The following MAPKAP1 variants were observed in gnomAD, a reference collection of about 807,000 sequenced individuals.
The protein encoded by MAPKAP1 is MAPK associated protein 1, also known as target of rapamycin complex 2 subunit MAPKAP1.
Under a neutral mutation model 65.7 loss-of-function variants are expected in MAPKAP1, and 20 were observed. The ratio of observed to expected loss-of-function variants is 0.30; its 90% CI spans 0.21 to 0.44. The LOEUF is 0.44. Ranked by LOEUF, MAPKAP1 falls within the 20% of genes least tolerant of loss-of-function variation. MAPKAP1 has a pLI of 1.00. For synonymous variants in MAPKAP1, 222 were observed against 244.3 expected (o/e 0.91, Z 0.85); for missense variants, 423 against 648.0 (o/e 0.65, Z 3.77).
chr9:125,618,139 C>T (rs1832795640), intron 4 of MAPKAP1, among the ~76,000 whole-genome samples: 1 of 151,714 alleles, frequency 6.6e-6, no homozygotes, highest in Non-Finnish European at 1.5e-5. Context: ...GTCAGGAGTT[C>T]GAGACCAGCG....
chr9:125,651,371 G>C (rs200973802), intron 4 of MAPKAP1, among the ~76,000 whole-genome samples: 2 of 152,106 alleles, frequency 1.3e-5, no homozygotes, highest in Non-Finnish European at 2.9e-5. Flanking sequence ...TTGGGAGGCC[G>C]AGGCGGGCAG....
chr9:125,698,329 ATATAT>A (rs1564622630), intron 1 of MAPKAP1, among the ~76,000 whole-genome samples: 97 of 101,320 alleles, frequency 9.6e-4, no homozygotes, highest in Non-Finnish European at 1.2e-3. Context: ...ATATATATAT[ATATAT>A]ATAAAATATA....
chr9:125,557,935 C>T (rs1051622964), intron 6 of MAPKAP1, among the ~76,000 whole-genome samples: 21 of 152,324 alleles, frequency 1.4e-4, no homozygotes, highest in African/African-American at 5.1e-4. Context: ...CAGCTAACTG[C>T]TACCTCCGCC....
chr9:125,557,838 A>G (rs1024141238), intron 6 of MAPKAP1, among the ~76,000 whole-genome samples: 5 of 152,134 alleles, frequency 3.3e-5, no homozygotes, highest in Non-Finnish European at 7.3e-5. Flanking sequence ...TGTAGGAATT[A>G]AGAACAAATA....
At chr9:125,442,697 A>G (rs187289386) in intron 11 of MAPKAP1, among the ~76,000 whole-genome samples, 58 of 151,922 alleles carry the variant, frequency 3.8e-4, no homozygotes, top group Non-Finnish European at 5.7e-4. Flanking sequence ...CCGTGTCCCC[A>G]CTCCTTGGTC....
At chr9:125,551,496 C>T (rs1282746577) in intron 6 of MAPKAP1, among the ~76,000 whole-genome samples, 1 of 152,206 alleles carries the variant, frequency 6.6e-6, no homozygotes, top group Non-Finnish European at 1.5e-5. Flanking sequence ...TACCTGACAG[C>T]TGTTACCCAA....
At chr9:125,552,886 T>A (rs1830623019) in intron 6 of MAPKAP1, among the ~76,000 whole-genome samples, 1 of 152,118 alleles carries the variant, frequency 6.6e-6, no homozygotes, top group Non-Finnish European at 1.5e-5. Context: ...AGTGAGACAC[T>A]GTCTCTAAAA....
intron 4 of MAPKAP1, among the ~76,000 whole-genome samples, chr9:125,615,925 A>AAAAAG (rs1554831094): frequency 1.3e-5 from 2 of 152,116 alleles, no homozygotes; most frequent in African/African-American, 2.4e-5. Context: ...GAAAAAAAAA[A>AAAAAG]AAAAGAAAAG....
chr9:125,461,436 C>T (rs970241588), intron 10 of MAPKAP1, among the ~76,000 whole-genome samples: 11 of 152,180 alleles, frequency 7.2e-5, no homozygotes, highest in African/African-American at 2.2e-4. Flanking sequence ...GCTTGAAAGG[C>T]GAGCCTTGTA....
chr9:125,616,060 G>A (rs1832739237), intron 4 of MAPKAP1, among the ~76,000 whole-genome samples: 1 of 152,002 alleles, frequency 6.6e-6, no homozygotes, highest in South Asian at 2.1e-4. Context: ...AAACAGAAAA[G>A]TCCAGGAAGA....
rs192302821 is a variant in MAPKAP1, at chr9:125,503,807, C to T, written c.1066+2503G>A. On this transcript the variant is annotated intron_variant, in intron 8 of 11. Coordinates refer to ENST00000265960, the MANE Select transcript of MAPKAP1 (RefSeq NM_001006617.3). ...TCTGAGCTCACTGCAACCTCTGCCT[C>T]TCAGGCCCAAGCGATTCTCGTGCCT... Among the ~76,000 whole-genome samples, 216 of 149,514 alleles carry T rather than the reference C, an allele frequency of 1.4e-3. 1 individual carries two copies. The highest frequency in any genetic ancestry group is 5.0e-3 in the African/African-American group (203 of 40,374).
chr9:125,597,545 A>G (rs1380378884), intron 4 of MAPKAP1, among the ~76,000 whole-genome samples: 2 of 152,372 alleles, frequency 1.3e-5, no homozygotes, highest in Non-Finnish European at 2.9e-5. Context: ...AAGGTTTCCC[A>G]GTAATAAATT....
intron 10 of MAPKAP1, among the ~76,000 whole-genome samples, chr9:125,462,850 T>C (rs1201557259): frequency 1.3e-5 from 2 of 152,224 alleles, no homozygotes; most frequent in African/African-American, 2.4e-5. Context: ...CTATCACTTC[T>C]AGCCAGTATG....
chr9:125,533,418 A>C lies in MAPKAP1; in HGVS notation c.958+9641T>G, dbSNP rs144698050. Among the ~76,000 whole-genome samples the C allele has an allele frequency of 1.3e-3, 197 of 152,060 alleles. 1 individual carries two copies. Among genetic ancestry groups the C allele is most frequent in the African/African-American group, 4.6e-3 (190 of 41,476 alleles). On this transcript the variant is annotated intron_variant, in intron 7 of 11. Transcript: ENST00000265960. ...GAGCTGGGGAAAAGGGCATTCTCAC[A>C]TACTCTTGGAATGTCAAAGAATGGG...
intron 10 of MAPKAP1, among the ~76,000 whole-genome samples, chr9:125,465,712 T>C (rs1319901784): frequency 1.3e-5 from 2 of 152,164 alleles, no homozygotes; most frequent in Non-Finnish European, 2.9e-5. Context: ...TAGTTCACTA[T>C]GGAGATGGAG....
At chr9:125,555,458 G>A (rs1000252405) in intron 6 of MAPKAP1, among the ~76,000 whole-genome samples, 2 of 152,192 alleles carry the variant, frequency 1.3e-5, no homozygotes, top group African/African-American at 4.8e-5. Context: ...GCCGCACTTA[G>A]AGGGAAAGAT....
In MAPKAP1 at chr9:125,699,577, T is replaced by C. The variant is rs549960156; in HGVS notation, c.-70+7394A>G. 2.0e-5 allele frequency among the ~76,000 whole-genome samples: 3 copies of C among 152,286 alleles called. No individual in the cohort carries two copies. The East Asian group carries it at 5.8e-4, about 29-fold the overall frequency. On this transcript the variant is annotated intron_variant, in intron 1 of 11. Transcript: ENST00000265960. The stretch of plus-strand genomic sequence containing the variant: ...TCACATGAGGTCAGGCATAGAATTT[T>C]CCAATTGTGGCATCATGTCAGTTCG...
intron 1 of MAPKAP1, among the ~76,000 whole-genome samples, chr9:125,688,729 C>A (rs1194653035): frequency 6.6e-6 from 1 of 152,054 alleles, no homozygotes; most frequent in Non-Finnish European, 1.5e-5. Flanking sequence ...GGCCGTAAGA[C>A]CCTCATCTCT....
At chr9:125,598,855 C>T (rs1339528211) in intron 4 of MAPKAP1, among the ~76,000 whole-genome samples, 1 of 151,952 alleles carries the variant, frequency 6.6e-6, no homozygotes, top group Non-Finnish European at 1.5e-5. Context: ...GCCTGGTCAA[C>T]ATGGCAAAAC....
Sources: gnomAD v4.1 joint callset for allele counts (sites outside exome capture counted in the v4.1 genomes callset) on GRCh38, gnomAD v4.1.1 for gene constraint, MANE v1.5 for transcripts, NCBI Gene and HGNC (gene_info 2026-07-23, HGNC 2026-07-21) for gene names.